MYO18B: variants seen among roughly 807,000 people sequenced by gnomAD.
The protein encoded by MYO18B is myosin XVIIIB, also known as unconventional myosin-XVIIIb.
A neutral mutation model predicts 273.0 loss-of-function variants in MYO18B; 204 were observed. The ratio of observed to expected loss-of-function variants is 0.75; its 90% CI spans 0.67 to 0.84. The LOEUF (loss-of-function observed/expected upper bound fraction) is 0.84. MYO18B is among the 40% of genes least tolerant of loss of function. The pLI, the probability that MYO18B is intolerant of heterozygous loss-of-function variation, is 0.00. For synonymous variants in MYO18B, 1,330 were observed against 1,305.7 expected (o/e 1.02, Z -0.40); for missense variants, 3,212 against 3,287.6 (o/e 0.98, Z 0.56).
intron 39 of MYO18B, chr22:25,983,400 G>C (rs902740784): frequency 6.6e-6 from 1 of 152,124 alleles, no homozygotes; most frequent in Non-Finnish European, 1.5e-5. Context: ...AATTCTGGAT[G>C]TCTTACAACT....
intron 17 of MYO18B, among the ~76,000 whole-genome samples, chr22:25,841,153 A>T (rs945152755): frequency 1.3e-5 from 2 of 152,162 alleles, no homozygotes; most frequent in Non-Finnish European, 2.9e-5. Context: ...GAGCCCAGGC[A>T]CAGTGGACAG....
At position 25,876,216 on chromosome 22, in the gene MYO18B, C is replaced by T; in HGVS notation, c.4108C>T (p.Gln1370Ter). 2 of 1,613,286 alleles carry T rather than the reference C, an allele frequency of 1.2e-6. No homozygotes were observed. Among genetic ancestry groups the T allele is most frequent in the Non-Finnish European group, 1.7e-6 (2 of 1,179,630 alleles). ...TCGCCGACTGGCTGCACAGTGCATC[C>T]AGAAGAATGTGGCTGTGTTCCTCGC... ...KIRRLAAQCI[Q>*]KNVAVFLAVK... Residue 1370 changes from glutamine (Q) to a stop codon, truncating the protein, a stop_gained, in exon 24 of 44, where the codon CAG (glutamine) becomes TAG (stop). Transcript: ENST00000335473. LOFTEE classifies it high-confidence loss of function.
At chr22:25,919,216 G>T (rs984332537) in intron 33 of MYO18B, among the ~76,000 whole-genome samples, 2 of 152,084 alleles carry the variant, frequency 1.3e-5, no homozygotes, top group African/African-American at 4.8e-5. Context: ...ATCCCAGCCT[G>T]AGCTGGGTAA....
intron 40 of MYO18B, among the ~76,000 whole-genome samples, chr22:25,999,691 T>C (rs1482529434): frequency 1.5e-5 from 2 of 133,838 alleles, no homozygotes; most frequent in Non-Finnish European, 3.2e-5. Flanking sequence ...CCTCTCACTC[T>C]GTCACCCAGG....
chr22:26,055,157 A>C, the MYO18B span, among the ~76,000 whole-genome samples: 1 of 152,178 alleles, frequency 6.6e-6, no homozygotes, highest in Non-Finnish European at 1.5e-5. Flanking sequence ...AGCATTGTAT[A>C]GAGCCCGGTG....
In MYO18B at chr22:25,777,780, A is replaced by G; in HGVS notation, c.2067A>G (p.Ser689=). 1 of 1,593,220 alleles carries G rather than the reference A, an allele frequency of 6.3e-7. No individual in the cohort carries two copies. Among genetic ancestry groups the G allele is most frequent in the Non-Finnish European group, 8.6e-7 (1 of 1,169,582 alleles). ...CAGGCAGTGTGGATGGCAGGGTCTCAGGTATGGTGGTCTCTAGGTGACATG... is the reference window on the plus strand; with the variant it reads ...CAGGCAGTGTGGATGGCAGGGTCTCGGGTATGGTGGTCTCTAGGTGACATG... ...GMAGSVDGRV[S]VEKIRATFTV... The change falls in exon 8 of 44, where the codon TCA becomes TCG. Residue 689 remains serine, a splice_region_variant and synonymous_variant. Coordinates refer to ENST00000335473, the MANE Select transcript of MYO18B (RefSeq NM_032608.7).
At chr22:25,792,426 C>T (rs2087704862) in intron 11 of MYO18B, among the ~76,000 whole-genome samples, 1 of 151,328 alleles carries the variant, frequency 6.6e-6, no homozygotes. Flanking sequence ...CTGTCCTGCC[C>T]TCCCTGCAGT....
At chr22:26,032,173 C>T (rs1936681421), downstream of MYO18B, among the ~76,000 whole-genome samples, 1 of 152,176 alleles carries the variant, frequency 6.6e-6, no homozygotes, top group Admixed American at 6.5e-5. Flanking sequence ...ACAACAGTTA[C>T]TAAACTCTAA....
intron 29 of MYO18B, among the ~76,000 whole-genome samples, chr22:25,901,722 A>AGG (rs2091939109): frequency 6.6e-6 from 1 of 152,050 alleles, no homozygotes; most frequent in African/African-American, 2.4e-5. Flanking sequence ...TTGGTCAGGA[A>AGG]ATATTGGAAG....
chr22:25,782,750 C>T (rs1322230882), intron 10 of MYO18B, among the ~76,000 whole-genome samples: 2 of 149,736 alleles, frequency 1.3e-5, no homozygotes, highest in Non-Finnish European at 2.9e-5. Context: ...AGTGTCCTGG[C>T]TAAGGCTGGA....
intron 20 of MYO18B, among the ~76,000 whole-genome samples, chr22:25,849,211 T>C (rs2859409): frequency 0.81 from 123,919 of 152,148 alleles, 50,797 homozygotes; most frequent in East Asian, 1. Context: ...AGGGTCAGGG[T>C]GTCCCGTTCC....
chr22:25,756,544 AAGTT>A (rs568211180), intron 1 of MYO18B: 67 of 152,350 alleles, frequency 4.4e-4, no homozygotes, highest in African/African-American at 1.6e-3. Context: ...GGCTGCCGTT[AAGTT>A]ATGAATTAGG....
intron 39 of MYO18B, among the ~76,000 whole-genome samples, chr22:25,967,956 G>T (rs1168738919): frequency 1.3e-5 from 2 of 152,154 alleles, no homozygotes; most frequent in Non-Finnish European, 2.9e-5. Flanking sequence ...AAATGTTAAA[G>T]GATTTCCACT....
At chr22:25,793,610 G>T (rs1029787430) in intron 11 of MYO18B, among the ~76,000 whole-genome samples, 11 of 152,268 alleles carry the variant, frequency 7.2e-5, no homozygotes, top group Admixed American at 5.2e-4. Flanking sequence ...AAGTCACATG[G>T]TTGGGAGTGC....
intron 11 of MYO18B, among the ~76,000 whole-genome samples, chr22:25,790,740 T>C (rs917063922): frequency 2.0e-5 from 3 of 152,252 alleles, no homozygotes; most frequent in Non-Finnish European, 4.4e-5. Context: ...AATTAAACTT[T>C]ATTTTCTCCC....
intron 37 of MYO18B, among the ~76,000 whole-genome samples, chr22:25,951,657 C>G (rs1172380693): frequency 6.6e-6 from 1 of 152,200 alleles, no homozygotes; most frequent in Non-Finnish European, 1.5e-5. Context: ...ATGAAATTTT[C>G]AAAGCTCTTC....
the MYO18B span, among the ~76,000 whole-genome samples, chr22:26,038,729 G>A: frequency 6.6e-6 from 1 of 152,280 alleles, no homozygotes. Context: ...GACCACATTA[G>A]CCAACCAACT....
At chr22:25,744,732 CAAAAAT>C (rs763381707) in intron 1 of MYO18B, among the ~76,000 whole-genome samples, 18 of 151,974 alleles carry the variant, frequency 1.2e-4, no homozygotes, top group African/African-American at 1.7e-4. Context: ...GACTCCGTCT[CAAAAAT>C]AAAAATAAAA....
intron 25 of MYO18B, among the ~76,000 whole-genome samples, chr22:25,882,058 C>A (rs1017565137): frequency 2.6e-5 from 4 of 152,088 alleles, no homozygotes; most frequent in Non-Finnish European, 4.4e-5. Flanking sequence ...TCTAAGAAGC[C>A]CTCTTCAACA....
Sources: gnomAD v4.1 joint callset for allele counts (sites outside exome capture counted in the v4.1 genomes callset) on GRCh38, gnomAD v4.1.1 for gene constraint, MANE v1.5 for transcripts, NCBI Gene and HGNC (gene_info 2026-07-23, HGNC 2026-07-21) for gene names.